The following VPS53 variants were observed in gnomAD, a reference collection of about 807,000 sequenced individuals.
The protein encoded by VPS53 is vacuolar protein sorting-associated protein 53 homolog.
A neutral mutation model predicts 107.0 loss-of-function variants in VPS53; 70 were observed. That is an observed-to-expected ratio of 0.65 (90% CI 0.54 to 0.80). The LOEUF (loss-of-function observed/expected upper bound fraction) is 0.80, where lower values mean the gene tolerates loss of function less well. Among genes scored for constraint, VPS53 ranks in the 30% least tolerant of loss-of-function variants. The pLI is 0.00. For missense variants in VPS53, 917 were observed against 1,049.4 expected (o/e 0.87, Z 1.74); for synonymous variants, 409 against 393.3 (o/e 1.04, Z -0.47).
intron 11 of VPS53, among the ~76,000 whole-genome samples, chr17:614,569 A>T (rs1343040184): frequency 6.6e-6 from 1 of 152,188 alleles, no homozygotes; most frequent in Non-Finnish European, 1.5e-5. Flanking sequence ...CGCTGAAGGG[A>T]GTGCATGAGG....
chr17:562,943 CAT>C (rs1487231483), intron 13 of VPS53, among the ~76,000 whole-genome samples, 198 bp from the exon 14 acceptor site: 1 of 152,114 alleles, frequency 6.6e-6, no homozygotes, highest in Non-Finnish European at 1.5e-5. Context: ...TAAAATCTGA[CAT>C]ATGAGATTCT....
rs1301223226 is a variant in VPS53 at position 697,615 on chromosome 17, T to C, written c.219-131A>G. 5.5e-6 allele frequency: 4 copies of C among 721,832 alleles called. No homozygotes were observed. In the Admixed American group the frequency reaches 7.2e-5, roughly 13 times the overall value. 44.7% of individuals were successfully genotyped at this position (721,832 alleles called of 1,614,324 possible). On this transcript the variant is annotated intron_variant, in intron 3 of 21. Coordinates refer to ENST00000437048, the MANE Select transcript of VPS53 (RefSeq NM_001128159.3). ...ACCTAATTGTCCAGAAAACCAAACATGTGTGAGTGGCATCAGGCAGGAGGA... is the reference window on the plus strand; with the variant it reads ...ACCTAATTGTCCAGAAAACCAAACACGTGTGAGTGGCATCAGGCAGGAGGA...
intron 17 of VPS53, among the ~76,000 whole-genome samples, chr17:548,978 G>A (rs77831670): frequency 6.6e-6 from 1 of 152,114 alleles, no homozygotes; most frequent in African/African-American, 2.4e-5. Flanking sequence ...GGTGTATTTT[G>A]TACTTTTCTT....
chr17:555,837 C>T (rs199550068), intron 15 of VPS53, among the ~76,000 whole-genome samples: 8 of 152,214 alleles, frequency 5.3e-5, no homozygotes, highest in South Asian at 4.1e-4. Context: ...ATGGGAAATA[C>T]GAGACAAAGT....
At chr17:557,962 C>T (rs1442952258) in intron 15 of VPS53, among the ~76,000 whole-genome samples, 1 of 151,080 alleles carries the variant, frequency 6.6e-6, no homozygotes, top group Admixed American at 6.6e-5. Flanking sequence ...CAGGCTCAAG[C>T]GATCCTCCAA....
chr17:553,553 A>T, intron 15 of VPS53, 91 bp from the exon 16 acceptor site: 24 of 851,960 alleles, frequency 2.8e-5, no homozygotes, highest in Non-Finnish European at 4.1e-5. Flanking sequence ...GCGTTTGATG[A>T]TTCAGGCATA....
Position 606,744 on chromosome 17 carries a change from C to T in VPS53, c.1117-4848G>A, listed in dbSNP as rs1178055048. On this transcript the variant is annotated intron_variant, in intron 11 of 21. Coordinates refer to ENST00000437048, the MANE Select transcript of VPS53 (RefSeq NM_001128159.3). ...CCTCCTGTCAGGTCTCATAGGCAAA[C>T]CCTGTTGTGAGCTGCTCATATGAGA... Among the ~76,000 whole-genome samples, 4 of 152,246 alleles carry T rather than the reference C, an allele frequency of 2.6e-5. 1 individual carries two copies. The South Asian group carries it at 6.2e-4, about 24-fold the overall frequency.
intron 4 of VPS53, among the ~76,000 whole-genome samples, chr17:692,248 T>C (rs1291651670): frequency 1.3e-5 from 2 of 152,206 alleles, no homozygotes; most frequent in East Asian, 3.8e-4. Flanking sequence ...ATTTTAATTC[T>C]TGGGAAGCTG....
At chr17:679,047 A>T (rs1473253743) in intron 4 of VPS53, among the ~76,000 whole-genome samples, 1 of 152,198 alleles carries the variant, frequency 6.6e-6, no homozygotes, top group Non-Finnish European at 1.5e-5. Context: ...AAGGAGCATA[A>T]AGACAACAGA....
In VPS53 at chr17:710,565, C is replaced by A; in HGVS notation, c.136G>T (p.Glu46Ter). The A allele has an allele frequency of 6.2e-7, 1 of 1,614,020 alleles. No individual in the cohort carries two copies. The highest frequency in any genetic ancestry group is 8.5e-7 in the Non-Finnish European group (1 of 1,179,976). Residue 46 changes from glutamate (E) to a stop codon, truncating the protein, a stop_gained, in exon 2 of 22, where the codon GAG becomes TAG. Coordinates refer to ENST00000437048, the MANE Select transcript of VPS53 (RefSeq NM_001128159.3). LOFTEE classifies it high-confidence loss of function. ...GTTGGGAACAGGGTATTGATATACTCAACAGCATTGAAATCTGCTCGATCT... is the reference window on the plus strand; with the variant it reads ...GTTGGGAACAGGGTATTGATATACTAAACAGCATTGAAATCTGCTCGATCT... ...PLDRADFNAV[E>*]YINTLFPTEQ...
intron 13 of VPS53, among the ~76,000 whole-genome samples, chr17:574,574 G>A (rs1233316384): frequency 6.6e-6 from 1 of 152,006 alleles, no homozygotes; most frequent in Non-Finnish European, 1.5e-5. Context: ...AGACCAGCCT[G>A]GGCAACATGG....
Position 627,402 on chromosome 17 carries a change from G to T in VPS53, c.832-86C>A, listed in dbSNP as rs1011960228. Reference sequence around the variant, plus strand: ...GAAACAAGCAAAAACACAGAGCCAAGCAAAAGGGAACCAACCTCTGTATTT... The same window carrying T: ...GAAACAAGCAAAAACACAGAGCCAATCAAAAGGGAACCAACCTCTGTATTT... On this transcript the variant is annotated intron_variant, in intron 9 of 21. Transcript: ENST00000437048. The T allele has an allele frequency of 4.1e-6, 6 of 1,458,548 alleles. No homozygotes were observed. In the African/African-American group the frequency reaches 8.5e-5, roughly 21 times the overall value. 90.4% of individuals were successfully genotyped at this position (1,458,548 alleles called of 1,614,324 possible).
At chr17:711,371 C>A (rs746436868) in intron 1 of VPS53, among the ~76,000 whole-genome samples, 3 of 152,184 alleles carry the variant, frequency 2.0e-5, no homozygotes, top group Non-Finnish European at 4.4e-5. Context: ...CTGAAGAAGC[C>A]TTCCAAAGAA....
chr17:642,429 C>T (rs1049292859), intron 7 of VPS53, among the ~76,000 whole-genome samples: 5 of 149,032 alleles, frequency 3.4e-5, no homozygotes, highest in Admixed American at 2.0e-4. Context: ...ACTTGGAAAG[C>T]GAGGACAACA....
chr17:545,583 GT>G (rs932910834), intron 17 of VPS53, among the ~76,000 whole-genome samples: 1 of 152,206 alleles, frequency 6.6e-6, no homozygotes, highest in African/African-American at 2.4e-5. Flanking sequence ...TGTCTCACTT[GT>G]TTACCAATCT....
intron 11 of VPS53, among the ~76,000 whole-genome samples, chr17:604,207 T>C (rs1228411664): frequency 6.6e-6 from 1 of 152,154 alleles, no homozygotes; most frequent in Non-Finnish European, 1.5e-5. Flanking sequence ...CAGATGTCAG[T>C]GACGTGGACT....
chr17:686,401 A>G (rs1008945410), intron 4 of VPS53, among the ~76,000 whole-genome samples: 2 of 152,240 alleles, frequency 1.3e-5, no homozygotes, highest in African/African-American at 4.8e-5. Context: ...AATTTCAAAA[A>G]CAATACAAAT....
At chr17:585,627 G>A (rs756432692) in intron 13 of VPS53, among the ~76,000 whole-genome samples, 2 of 152,120 alleles carry the variant, frequency 1.3e-5, no homozygotes, top group African/African-American at 2.4e-5. Context: ...GGGGGACAGC[G>A]TGAGACTCTG....
intron 17 of VPS53, among the ~76,000 whole-genome samples, chr17:544,258 T>C (rs527540670): frequency 5.9e-5 from 9 of 152,284 alleles, no homozygotes; most frequent in Admixed American, 5.2e-4. Flanking sequence ...GCATGAACAC[T>C]CGTGTGGACC....
Sources: allele counts gnomAD v4.1 joint callset (sites outside exome capture counted in the v4.1 genomes callset), GRCh38; gene constraint gnomAD v4.1.1; transcripts MANE v1.5; gene names NCBI Gene and HGNC (gene_info 2026-07-23, HGNC 2026-07-21).